The following LRBA variants were observed in gnomAD, a reference collection of about 807,000 sequenced individuals.
LRBA encodes the protein lipopolysaccharide-responsive and beige-like anchor protein.
LRBA carries 176 observed loss-of-function variants against 330.0 expected under a neutral mutation model. The ratio of observed to expected loss-of-function variants is 0.53; its 90% CI spans 0.47 to 0.60. The LOEUF (loss-of-function observed/expected upper bound fraction) is 0.60. LRBA is among the 20% of genes least tolerant of loss of function. LRBA has a pLI of 0.00. For synonymous variants in LRBA, 1,230 were observed against 1,193.0 expected (o/e 1.03, Z -0.64); for missense variants, 3,259 against 3,444.8 (o/e 0.95, Z 1.35).
chr4:150,881,885 G>A (rs913954231), intron 17 of LRBA, among the ~76,000 whole-genome samples: 45 of 152,212 alleles, frequency 3.0e-4, no homozygotes, highest in African/African-American at 9.4e-4. Flanking sequence ...TCAGGAGCTC[G>A]AGACCAGCCA....
chr4:150,798,278 G>A, intron 33 of LRBA, 136 bp from the exon 34 acceptor site: 1 of 588,398 alleles, frequency 1.7e-6, no homozygotes, highest in Middle Eastern at 4.6e-4. Flanking sequence ...GATCAAATAA[G>A]GTACACTATA....
In LRBA at chr4:150,908,420, T is replaced by C; in HGVS notation, c.1407A>G (p.Ser469=). Residue 469 remains serine (S), a synonymous_variant, in exon 11 of 57, where the codon TCA becomes TCG. Transcript: ENST00000651943. ...LTHSIQSAMH[S]IGGVQVLFPL... ...GAAATAGTACTTGTACTCCTCCAATTGAATGCATTGCACTTTGGATGGAAT... is the reference window on the plus strand; with the variant it reads ...GAAATAGTACTTGTACTCCTCCAATCGAATGCATTGCACTTTGGATGGAAT... 1.9e-6 allele frequency: 3 copies of C among 1,609,854 alleles called. No homozygotes were observed. The highest frequency in any genetic ancestry group is 2.5e-6 in the Non-Finnish European group (3 of 1,178,992).
intron 37 of LRBA, among the ~76,000 whole-genome samples, chr4:150,665,495 C>T (rs576709060): frequency 6.6e-5 from 10 of 152,092 alleles, no homozygotes; most frequent in Non-Finnish European, 1.5e-4. Flanking sequence ...TATATAATCA[C>T]CAACACAATC....
chr4:150,691,517 C>A (rs1469497743), intron 36 of LRBA, among the ~76,000 whole-genome samples: 25 of 152,218 alleles, frequency 1.6e-4, no homozygotes, highest in Non-Finnish European at 1.5e-5. Context: ...ACCCACTAGA[C>A]CGGCTGAAAT....
chr4:150,431,629 G>A (rs897281037), intron 46 of LRBA, among the ~76,000 whole-genome samples: 7 of 152,018 alleles, frequency 4.6e-5, no homozygotes, highest in African/African-American at 9.6e-5. Flanking sequence ...GGATATATAC[G>A]GTTAAGATAA....
intron 37 of LRBA, among the ~76,000 whole-genome samples, chr4:150,613,603 T>A (rs115877389): frequency 0.017 from 2,623 of 152,336 alleles, 82 homozygotes; most frequent in African/African-American, 0.058. Flanking sequence ...GCTCCTGGTT[T>A]AAAACCTATG....
intron 44 of LRBA, among the ~76,000 whole-genome samples, chr4:150,452,441 G>C (rs558477977): frequency 6.6e-6 from 1 of 152,190 alleles, no homozygotes; most frequent in East Asian, 1.9e-4. Flanking sequence ...GGCCAGCATG[G>C]TGAAACCCCA....
chr4:150,994,126 G>A (rs1742391547), intron 2 of LRBA, among the ~76,000 whole-genome samples: 1 of 150,644 alleles, frequency 6.6e-6, no homozygotes, highest in Admixed American at 6.6e-5. Flanking sequence ...AAGAAACAAT[G>A]TGACACTAAA....
intron 40 of LRBA, among the ~76,000 whole-genome samples, chr4:150,578,188 T>C (rs1411677327): frequency 6.6e-6 from 1 of 152,246 alleles, no homozygotes; most frequent in Non-Finnish European, 1.5e-5. Flanking sequence ...GATTATTTAC[T>C]ACTTTTCAAG....
intron 40 of LRBA, among the ~76,000 whole-genome samples, chr4:150,561,359 G>A (rs764193967): frequency 4.6e-5 from 7 of 152,060 alleles, no homozygotes; most frequent in Non-Finnish European, 7.4e-5. Context: ...TCTATTCCCT[G>A]GAATTCATGA....
intron 35 of LRBA, among the ~76,000 whole-genome samples, chr4:150,735,996 G>A (rs1024339247): frequency 1.3e-5 from 2 of 152,128 alleles, no homozygotes; most frequent in Non-Finnish European, 1.5e-5. Context: ...AAAGCTTTCA[G>A]GGTGGGGAGA....
chr4:150,449,860 A>C (rs1447825126), intron 44 of LRBA, among the ~76,000 whole-genome samples: 1 of 152,154 alleles, frequency 6.6e-6, no homozygotes, highest in African/African-American at 2.4e-5. Context: ...AATAATCTAA[A>C]AGAAGCACAT....
At chr4:150,849,034 A>ATG (rs1268023430) in intron 25 of LRBA, 36 bp from the exon 26 acceptor site, 3 of 1,397,852 alleles carry the variant, frequency 2.1e-6, no homozygotes, top group East Asian at 5.0e-5. Flanking sequence ...ATATATATAT[A>ATG]TTCTGAAAAA....
intron 50 of LRBA, among the ~76,000 whole-genome samples, chr4:150,317,284 T>C (rs962626): frequency 0.61 from 92,865 of 151,962 alleles, 28,920 homozygotes; most frequent in Non-Finnish European, 0.68. Flanking sequence ...TTTGAGGGGC[T>C]GAAAATAAAT....
intron 37 of LRBA, among the ~76,000 whole-genome samples, chr4:150,626,236 G>A (rs1305078216): frequency 6.6e-6 from 1 of 152,110 alleles, no homozygotes. Flanking sequence ...TGGCTTTAAA[G>A]TTGTTTGATT....
chr4:150,838,281 T>C (rs984343870), intron 28 of LRBA, among the ~76,000 whole-genome samples: 1 of 152,188 alleles, frequency 6.6e-6, no homozygotes, highest in African/African-American at 2.4e-5. Flanking sequence ...GGAGTTGCTC[T>C]TCTCGAGGAG....
chr4:150,491,263 C>A (rs903541967), intron 40 of LRBA, among the ~76,000 whole-genome samples: 2 of 151,768 alleles, frequency 1.3e-5, no homozygotes, highest in South Asian at 4.1e-4. Flanking sequence ...AGTATATATT[C>A]GGGCTTTTAA....
chr4:150,753,833 C>A (rs1733887906), intron 35 of LRBA, among the ~76,000 whole-genome samples: 2 of 151,940 alleles, frequency 1.3e-5, no homozygotes, highest in South Asian at 4.2e-4. Context: ...TTTGGGAGTC[C>A]AAGGTGGGAG....
intron 40 of LRBA, among the ~76,000 whole-genome samples, chr4:150,511,409 T>G (rs1377239977): frequency 6.6e-6 from 1 of 152,230 alleles, no homozygotes; most frequent in Non-Finnish European, 1.5e-5. Context: ...GAAGAGGTTC[T>G]TATCATCTTT....
Sources: allele counts gnomAD v4.1 joint callset (sites outside exome capture counted in the v4.1 genomes callset), GRCh38; gene constraint gnomAD v4.1.1; transcripts MANE v1.5; gene names NCBI Gene and HGNC (gene_info 2026-07-23, HGNC 2026-07-21).